TTC7A: variants seen among roughly 807,000 people sequenced by gnomAD.
TTC7A encodes tetratricopeptide repeat protein 7A.
In TTC7A, 110 loss-of-function variants were observed where a neutral mutation model predicts 103.7. The observed-to-expected ratio is 1.06, with a 90% confidence interval of 0.91 to 1.24. The LOEUF (loss-of-function observed/expected upper bound fraction) is 1.24, where lower values mean the gene tolerates loss of function less well. Ranked by LOEUF, TTC7A falls within the 50% of genes most tolerant of loss-of-function variation. The pLI is 0.00. For missense variants in TTC7A, 1,340 were observed against 1,116.3 expected (o/e 1.20, Z -2.86); for synonymous variants, 521 against 467.9 (o/e 1.11, Z -1.47).
At chr2:46,963,497 CAA>C (rs1672569110) in intron 3 of TTC7A, among the ~76,000 whole-genome samples, 1 of 152,138 alleles carries the variant, frequency 6.6e-6, no homozygotes, top group African/African-American at 2.4e-5. Context: ...TTGGAGATGG[CAA>C]AGTCCTCACT....
At chr2:47,042,950 C>G (rs1245664346) in intron 15 of TTC7A, among the ~76,000 whole-genome samples, 1 of 152,092 alleles carries the variant, frequency 6.6e-6, no homozygotes, top group South Asian at 2.1e-4. Context: ...CCAGCAGCCT[C>G]CCCCCAGCTT....
intron 15 of TTC7A, among the ~76,000 whole-genome samples, chr2:47,039,039 C>T (rs1186672604): frequency 1.3e-5 from 2 of 152,250 alleles, no homozygotes; most frequent in African/African-American, 4.8e-5. Flanking sequence ...GGGTGACATG[C>T]GCCAGGCACA....
rs746661224 is a variant in TTC7A at position 47,023,400 on chromosome 2, C to A, written c.1511-8C>A. The stretch of plus-strand genomic sequence containing the variant: ...CTGATGGCTCAGTTTCTGTCCTGTC[C>A]CCTGCAGCCACCCTGAAGTCCAAGC... On this transcript the variant is annotated splice_region_variant and splice_polypyrimidine_tract_variant and intron_variant, in intron 12 of 19. Coordinates refer to ENST00000319190, the MANE Select transcript of TTC7A (RefSeq NM_020458.4). 7 of 1,613,792 alleles carry A rather than the reference C, an allele frequency of 4.3e-6. No individual in the cohort carries two copies. Among genetic ancestry groups the A allele is most frequent in the Non-Finnish European group, 3.4e-6 (4 of 1,179,972 alleles).
At chr2:47,039,255 T>A (rs1681480410) in intron 15 of TTC7A, among the ~76,000 whole-genome samples, 2 of 152,222 alleles carry the variant, frequency 1.3e-5, no homozygotes, top group South Asian at 4.1e-4. Flanking sequence ...TGTGTTCAAG[T>A]GTTCATTGCA....
chr2:46,919,507 T>C (rs1342781070), intron 2 of TTC7A, among the ~76,000 whole-genome samples: 1 of 152,268 alleles, frequency 6.6e-6, no homozygotes, highest in African/African-American at 2.4e-5. Context: ...CTCTTCAGCC[T>C]GGGCAGCAAG....
Position 47,005,952 on chromosome 2 carries a change from C to T in TTC7A, c.1096C>T (p.Pro366Ser). Residue 366 changes from proline (P) to serine (S), a missense_variant, in exon 9 of 20, where the codon CCG (proline) becomes TCG (serine). Transcript: ENST00000319190. ...ATRDVVLSRV[P>S]EQEEDRTVSL... is the part of the protein sequence containing the mutation. Reference sequence around the variant, plus strand: ...TCGAGATGTGGTGCTGAGCCGGGTGCCGGAGCAGGAGGAGGACCGGACAGT... The same window carrying T: ...TCGAGATGTGGTGCTGAGCCGGGTGTCGGAGCAGGAGGAGGACCGGACAGT... The T allele has an allele frequency of 6.2e-7, 1 of 1,614,110 alleles. No individual in the cohort carries two copies. The highest frequency in any genetic ancestry group is 8.5e-7 in the Non-Finnish European group (1 of 1,180,026).
intron 5 of TTC7A, among the ~76,000 whole-genome samples, chr2:46,983,909 A>C (rs1674738908): frequency 6.6e-6 from 1 of 152,212 alleles, no homozygotes; most frequent in African/African-American, 2.4e-5. Flanking sequence ...CTTATCTATG[A>C]AAGCTTCCTG....
Position 47,060,790 on chromosome 2 carries a change from A to T in TTC7A, c.2174A>T (p.Gln725Leu). ...GCAGCTGAGCTGTTCATGGAGCAGC[A>T]GCACCTCAAGGAAGCAGGTTTCTGC... ...LQAAELFMEQ[Q>L]HLKEAGFCIQ... The change falls in exon 19 of 20, where the codon CAG becomes CTG. Residue 725 changes from glutamine to leucine, a missense_variant. Transcript: ENST00000319190. 6.2e-7 allele frequency: 1 copy of T among 1,610,784 alleles called. No individual in the cohort carries two copies.
At chr2:47,020,715 A>G (rs953218351) in intron 11 of TTC7A, among the ~76,000 whole-genome samples, 8 of 152,204 alleles carry the variant, frequency 5.3e-5, no homozygotes, top group Admixed American at 2.6e-4. Context: ...TTCAGTTTGC[A>G]CATAGCTCAC....
At chr2:46,990,908 G>GGGTT (rs548815901) in intron 5 of TTC7A, among the ~76,000 whole-genome samples, 14 of 152,062 alleles carry the variant, frequency 9.2e-5, no homozygotes, top group Admixed American at 6.6e-4. Flanking sequence ...CCCACCCCAG[G>GGGTT]GGTTGGTTGG....
chr2:47,004,052 C>T (rs1203931259), intron 8 of TTC7A, among the ~76,000 whole-genome samples: 1 of 152,220 alleles, frequency 6.6e-6, no homozygotes, highest in African/African-American at 2.4e-5. Flanking sequence ...CTTCTTTCTC[C>T]ACTCCTCTCC....
chr2:47,071,796 C>T (rs1055560269), intron 19 of TTC7A, among the ~76,000 whole-genome samples: 3 of 152,228 alleles, frequency 2.0e-5, no homozygotes, highest in Non-Finnish European at 4.4e-5. Context: ...CACCCACATA[C>T]TTCTTGATAT....
chr2:47,037,867 C>T (rs2104645346), intron 15 of TTC7A, among the ~76,000 whole-genome samples: 1 of 152,284 alleles, frequency 6.6e-6, no homozygotes, highest in East Asian at 1.9e-4. Flanking sequence ...TTCTGAAGTG[C>T]CAGCCCCTGC....
chr2:46,959,387 G>A (rs527251619), intron 3 of TTC7A, among the ~76,000 whole-genome samples: 1 of 152,284 alleles, frequency 6.6e-6, no homozygotes, highest in East Asian at 1.9e-4. Context: ...TTTCACAGGA[G>A]TCTGCTCTGT....
In TTC7A at chr2:46,994,735, GAA is replaced by G. The variant is rs1336959157; in HGVS notation, c.1001+223_1001+224del. ...TCCTATAAGGCACTCGGAGACCAAA[GAA>G]ATCATTTAGAAGTTACCTGTCTTCC... On this transcript the variant is annotated intron_variant, in intron 7 of 19. Coordinates refer to ENST00000319190, the MANE Select transcript of TTC7A (RefSeq NM_020458.4). Among the ~76,000 whole-genome samples the G allele has an allele frequency of 5.3e-5, 8 of 152,322 alleles. No homozygotes were observed. The East Asian group carries it at 1.5e-3, about 29-fold the overall frequency.
At chr2:47,061,093 T>TAGACACCAGGGAACA in intron 19 of TTC7A, 122 bp downstream of exon 19, 1 of 1,074,574 alleles carries the variant, frequency 9.3e-7, no homozygotes, top group Non-Finnish European at 1.3e-6. Context: ...TGCTGTTCCC[T>TAGACACCAGGGAACA]GGTGTCTAGG....
At chr2:47,020,850 G>A (rs1003595796) in intron 11 of TTC7A, among the ~76,000 whole-genome samples, 8 of 152,236 alleles carry the variant, frequency 5.3e-5, no homozygotes, top group South Asian at 2.1e-4. Context: ...TCCTGCTAGC[G>A]GGATGGGCCT....
chr2:46,923,627 C>G (rs1669226005), intron 2 of TTC7A, among the ~76,000 whole-genome samples: 1 of 152,154 alleles, frequency 6.6e-6, no homozygotes, highest in Non-Finnish European at 1.5e-5. Context: ...TGTGATGGTT[C>G]ATGCCTGTAA....
At chr2:47,058,202 A>C (rs2104766115) in intron 18 of TTC7A, among the ~76,000 whole-genome samples, 1 of 152,274 alleles carries the variant, frequency 6.6e-6, no homozygotes, top group African/African-American at 2.4e-5. Flanking sequence ...GGCTGTCCCC[A>C]GGGACTAGAG....
Sources: gnomAD v4.1 joint callset for allele counts (sites outside exome capture counted in the v4.1 genomes callset) on GRCh38, gnomAD v4.1.1 for gene constraint, MANE v1.5 for transcripts, NCBI Gene and HGNC (gene_info 2026-07-23, HGNC 2026-07-21) for gene names.